SI: variants seen among roughly 807,000 people sequenced by gnomAD.
The protein encoded by SI is sucrase-isomaltase.
A neutral mutation model predicts 253.3 loss-of-function variants in SI; 235 were observed. That is an observed-to-expected ratio of 0.93 (90% CI 0.83 to 1.03). SI has a LOEUF of 1.03. SI is among the 50% of genes least tolerant of loss of function. The pLI is 0.00. For missense variants in SI, 2,442 were observed against 2,211.1 expected (o/e 1.10, Z -2.09); for synonymous variants, 819 against 712.0 (o/e 1.15, Z -2.39).
In SI at chr3:165,069,067, G is replaced by A. The variant is rs373374968; in HGVS notation, c.373+11C>T. Reference sequence around the variant, plus strand: ...TATCATATTGAATCATTATAACAGAGGACTTCTTACCAATACTTGTTGTTG... The same window carrying A: ...TATCATATTGAATCATTATAACAGAAGACTTCTTACCAATACTTGTTGTTG... On this transcript the variant is annotated intron_variant, in intron 4 of 47. Coordinates refer to ENST00000264382, the MANE Select transcript of SI (RefSeq NM_001041.4). 1,082 of 1,531,330 alleles carry A rather than the reference G, an allele frequency of 7.1e-4. 25 individuals are homozygous for A. In the South Asian group the frequency reaches 0.012, roughly 17 times the overall value. 94.9% of individuals were successfully genotyped at this position (1,531,330 alleles called of 1,614,324 possible). A position where few individuals can be genotyped will look rare whatever the true frequency, so the allele number is the denominator to read the frequency against.
chr3:165,058,061 T>TAAA (rs76208435), intron 12 of SI, among the ~76,000 whole-genome samples: 6 of 151,212 alleles, frequency 4.0e-5, no homozygotes, highest in Non-Finnish European at 7.4e-5. Flanking sequence ...TATTTTTTTT[T>TAAA]AAAAAATTGA....
chr3:165,064,506 A>C (rs189770746), intron 7 of SI, among the ~76,000 whole-genome samples: 2 of 152,262 alleles, frequency 1.3e-5, no homozygotes, highest in Admixed American at 6.6e-5. Flanking sequence ...TTGCCATTTA[A>C]AAAGAAGTAA....
In SI at chr3:165,014,244, TTTG is replaced by T. The variant is rs1553771689; in HGVS notation, c.3999+876_3999+878del. 2.1e-4 allele frequency among the ~76,000 whole-genome samples: 32 copies of T among 152,168 alleles called. 1 individual carries two copies. The highest frequency in any genetic ancestry group is 4.1e-4 in the Non-Finnish European group (28 of 67,972). The stretch of plus-strand genomic sequence containing the variant: ...TTGTGTCTCTCATCATAGATTTTTT[TTTG>T]TTGTTGTTGTTGTTGTTTTGAGACG... On this transcript the variant is annotated intron_variant, in intron 33 of 47. Coordinates refer to ENST00000264382, the MANE Select transcript of SI (RefSeq NM_001041.4).
chr3:165,042,061 TCTC>T (rs766741322), intron 17 of SI, among the ~76,000 whole-genome samples: 19 of 151,908 alleles, frequency 1.3e-4, no homozygotes, highest in Non-Finnish European at 2.1e-4. Flanking sequence ...GTCTGCAGGC[TCTC>T]CTCATTTTCT....
chr3:165,045,680 C>A (rs1174047359), intron 16 of SI, among the ~76,000 whole-genome samples: 2 of 151,324 alleles, frequency 1.3e-5, no homozygotes, highest in African/African-American at 4.9e-5. Context: ...GCGTTTCTTT[C>A]TTTTTAAGTA....
Position 165,040,942 on chromosome 3 carries a change from A to T in SI, c.2157T>A (p.His719Gln). 6.2e-7 allele frequency: 1 copy of T among 1,607,950 alleles called. No individual in the cohort carries two copies. Among genetic ancestry groups the T allele is most frequent in the Non-Finnish European group, 8.5e-7 (1 of 1,174,852 alleles). Residue 719 changes from histidine to glutamine, a missense_variant and splice_region_variant, in exon 18 of 48, where the codon CAT becomes CAA. By Grantham distance (24) the His-to-Gln change is conservative. Transcript: ENST00000264382. ...FGETVARPVLHEFYEDTNSWI... is the reference protein window; with the variant it reads ...FGETVARPVLQEFYEDTNSWI... ...TAATTATTGTACGTAGTACTCACTC[A>T]TGAAGAACTGGTCTTGCTACTGTTT...
intron 37 of SI, among the ~76,000 whole-genome samples, chr3:165,004,251 A>G (rs1431311400): frequency 2.0e-5 from 3 of 152,194 alleles, no homozygotes; most frequent in Non-Finnish European, 4.4e-5. Context: ...ACAATGAGAC[A>G]TCATCTCGCC....
Position 165,036,439 on chromosome 3 carries a change from T to A in SI, c.2465A>T (p.Glu822Val). 1.2e-6 allele frequency: 2 copies of A among 1,611,714 alleles called. No homozygotes were observed. The highest frequency in any genetic ancestry group is 1.7e-6 in the Non-Finnish European group (2 of 1,178,444). Residue 822 changes from glutamate to valine, a missense_variant, in exon 22 of 48, where the codon GAA becomes GTA. By Grantham distance (121) the Glu-to-Val change is moderately radical (BLOSUM62 -2). Coordinates refer to ENST00000264382, the MANE Select transcript of SI (RefSeq NM_001041.4). ...AAAGTCTCCTTTGGCTGTGTTGTTT[T>A]CACCTAATGCGACTATAAGTCCTAG... ...NPLGLIVALG[E>V]NNTAKGDFFW...
At chr3:165,040,109 A>G (rs1576903051) in intron 18 of SI, 138 bp from the exon 19 acceptor site, 2 of 722,300 alleles carry the variant, frequency 2.8e-6, no homozygotes, top group Non-Finnish European at 4.9e-6. Flanking sequence ...GACATTTTCA[A>G]TTCATGGTTC....
At chr3:165,032,787 C>G (rs1181996771) in intron 23 of SI, 95 bp from the exon 24 acceptor site, 6 of 747,522 alleles carry the variant, frequency 8.0e-6, no homozygotes, top group Non-Finnish European at 1.1e-5. Context: ...AGGTCATCAT[C>G]TACATCTCTA....
intron 1 of SI, among the ~76,000 whole-genome samples, chr3:165,076,801 T>A (rs368931415): frequency 6.6e-6 from 1 of 151,656 alleles, no homozygotes; most frequent in Non-Finnish European, 1.5e-5. Context: ...GAAAGCATAT[T>A]TGTTTAATTT....
chr3:165,001,770 T>C (rs1188635839), intron 37 of SI, among the ~76,000 whole-genome samples: 2 of 151,390 alleles, frequency 1.3e-5, no homozygotes, highest in Non-Finnish European at 3.0e-5. Context: ...TGAGGTGAGG[T>C]ATACTGTGTT....
chr3:165,040,710 A>T lies in SI; in HGVS notation c.2159+230T>A, dbSNP rs151314153. 6.6e-4 allele frequency among the ~76,000 whole-genome samples: 101 copies of T among 152,150 alleles called. 1 individual carries two copies. The East Asian group carries it at 0.017, about 26-fold the overall frequency. ...CTGATATAATATCCTAACATATTTT[A>T]TATATCTTTTCCTTGTAAGTTCTAT... On this transcript the variant is annotated intron_variant, in intron 18 of 47. Coordinates refer to ENST00000264382, the MANE Select transcript of SI (RefSeq NM_001041.4).
the SI span, among the ~76,000 whole-genome samples, chr3:165,088,462 G>C: frequency 6.6e-6 from 1 of 152,018 alleles, no homozygotes; most frequent in Admixed American, 6.6e-5. Flanking sequence ...GGCCAATATG[G>C]TGAAACCCCG....
intron 14 of SI, 93 bp downstream of exon 14, chr3:165,049,698 A>G (rs1713330310): frequency 1.3e-6 from 1 of 762,316 alleles, no homozygotes; most frequent in Non-Finnish European, 2.3e-6. Flanking sequence ...CTATACCAAA[A>G]ATTGTAATTT....
chr3:165,067,826 T>C (rs911592379), intron 5 of SI, among the ~76,000 whole-genome samples: 1 of 151,858 alleles, frequency 6.6e-6, no homozygotes, highest in African/African-American at 2.4e-5. Flanking sequence ...CTCAATGCTT[T>C]TCAGTGTTTG....
chr3:165,068,428 G>T lies in SI; in HGVS notation c.483+294C>A, dbSNP rs544789294. 1.1e-4 allele frequency among the ~76,000 whole-genome samples: 16 copies of T among 152,196 alleles called. No individual in the cohort carries two copies. In the South Asian group the frequency reaches 3.3e-3, roughly 32 times the overall value. On this transcript the variant is annotated intron_variant, in intron 5 of 47. Coordinates refer to ENST00000264382, the MANE Select transcript of SI (RefSeq NM_001041.4). The stretch of plus-strand genomic sequence containing the variant: ...AGAAAATGTATTTGTAGGATGAAAG[G>T]TGTGTTCATCAAATGTCTCACTGAA...
In SI at chr3:165,060,008, A is replaced by G; in HGVS notation, c.1040T>C (p.Met347Thr). 6.2e-7 allele frequency: 1 copy of G among 1,611,932 alleles called. No homozygotes were observed. The highest frequency in any genetic ancestry group is 8.5e-7 in the Non-Finnish European group (1 of 1,178,588). ...GAATCCAAGATTCCAATATGCTGGCATTGCTGGTAGTCCAACAAGCTTAAA... is the reference window on the plus strand; with the variant it reads ...GAATCCAAGATTCCAATATGCTGGCGTTGCTGGTAGTCCAACAAGCTTAAA... ...QYQQLVGLPA[M>T]PAYWNLGFQL... The change falls in exon 10 of 48, where the codon ATG becomes ACG. Residue 347 changes from methionine to threonine, a missense_variant. Physicochemically the swap from Met to Thr is moderately conservative, Grantham distance 81 (BLOSUM62 -1). Transcript: ENST00000264382.
At chr3:165,031,373 T>C (rs1712233955) in intron 24 of SI, among the ~76,000 whole-genome samples, 1 of 147,822 alleles carries the variant, frequency 6.8e-6, no homozygotes, top group Non-Finnish European at 1.5e-5. Flanking sequence ...TATATATATT[T>C]ATAAGCATAA....
Sources: allele counts gnomAD v4.1 joint callset (sites outside exome capture counted in the v4.1 genomes callset), GRCh38; gene constraint gnomAD v4.1.1; transcripts MANE v1.5; gene names NCBI Gene and HGNC (gene_info 2026-07-23, HGNC 2026-07-21).